The following CDH18 variants were observed in gnomAD, a reference collection of about 807,000 sequenced individuals.
CDH18 encodes cadherin 18.
Under a neutral mutation model 67.9 loss-of-function variants are expected in CDH18, and 31 were observed. The observed-to-expected ratio is 0.46, with a 90% CI of 0.34 to 0.62. CDH18 has a LOEUF of 0.62. Among genes scored for constraint, CDH18 ranks in the 20% least tolerant of loss-of-function variants. The pLI, the probability that CDH18 is intolerant of heterozygous loss-of-function variation, is 0.01. For missense variants in CDH18, 890 were observed against 975.5 expected (o/e 0.91, Z 1.17); for synonymous variants, 362 against 347.2 (o/e 1.04, Z -0.48).
At chr5:20,329,864 A>G (rs1179163949) in intron 1 of CDH18, among the ~76,000 whole-genome samples, 1 of 151,890 alleles carries the variant, frequency 6.6e-6, no homozygotes, top group East Asian at 1.9e-4. Flanking sequence ...GATATTTCAG[A>G]AAGATACATG....
At chr5:19,992,167 G>A (rs1413018632), upstream of CDH18, among the ~76,000 whole-genome samples, 1 of 151,906 alleles carries the variant, frequency 6.6e-6, no homozygotes, top group Non-Finnish European at 1.5e-5. Context: ...ATAATAATTA[G>A]ATCCATGTGT....
chr5:19,814,574 G>C (rs1053242129), intron 3 of CDH18, among the ~76,000 whole-genome samples: 1 of 151,896 alleles, frequency 6.6e-6, no homozygotes, highest in Admixed American at 6.6e-5. Context: ...TCCCAGGAGG[G>C]CGTTAAAACT....
At chr5:20,034,162 A>C (rs1739637087) in intron 2 of CDH18, among the ~76,000 whole-genome samples, 1 of 151,966 alleles carries the variant, frequency 6.6e-6, no homozygotes, top group African/African-American at 2.4e-5. Flanking sequence ...TGAGAAATTG[A>C]TGAAATTTTG....
At chr5:20,333,443 G>T (rs1373372327) in intron 1 of CDH18, among the ~76,000 whole-genome samples, 5 of 149,380 alleles carry the variant, frequency 3.3e-5, no homozygotes, top group Non-Finnish European at 7.4e-5. Context: ...AGAGGCGGAG[G>T]TTGCAGTGAG....
At chr5:19,803,276 C>T (rs183850313) in intron 3 of CDH18, among the ~76,000 whole-genome samples, 2 of 152,152 alleles carry the variant, frequency 1.3e-5, no homozygotes, top group African/African-American at 2.4e-5. Flanking sequence ...ATGTCTCACA[C>T]GCATATGAGT....
At chr5:19,811,720 A>T (rs549683369) in intron 3 of CDH18, among the ~76,000 whole-genome samples, 54 of 152,310 alleles carry the variant, frequency 3.5e-4, no homozygotes, top group African/African-American at 1.1e-3. Flanking sequence ...AAAGAAAGAC[A>T]ATTTAAATGA....
At chr5:19,810,239 G>A (rs1353325795) in intron 3 of CDH18, among the ~76,000 whole-genome samples, 1 of 152,114 alleles carries the variant, frequency 6.6e-6, no homozygotes, top group Non-Finnish European at 1.5e-5. Context: ...ACTGAGGCAT[G>A]AGAATCACTT....
chr5:19,571,629 G>T lies in CDH18; in HGVS notation c.1203C>A (p.Val401=). 4 of 1,613,850 alleles carry T rather than the reference G, an allele frequency of 2.5e-6. No homozygotes were observed. Among genetic ancestry groups the T allele is most frequent in the Non-Finnish European group, 3.4e-6 (4 of 1,179,856 alleles). The change falls in exon 8 of 13, where the codon GTC becomes GTA. Residue 401 remains valine, a synonymous_variant. Coordinates refer to ENST00000382275, the MANE Select transcript of CDH18 (RefSeq NM_004934.5). ...EVYENAKIGT[V]VGTVLAQDPD... ...GATCTTGTGCCAAAACTGTACCAAC[G>T]ACGGTCCCAATCTTGGCATTTTCGT... is the stretch of plus-strand genomic sequence containing the variant.
intron 1 of CDH18, among the ~76,000 whole-genome samples, chr5:20,476,286 G>A (rs915101073): frequency 1.0e-4 from 15 of 150,524 alleles, no homozygotes; most frequent in African/African-American, 2.9e-4. Flanking sequence ...TTTCACTGAA[G>A]TTATTCATTT....
At chr5:20,513,759 T>C (rs753662557) in intron 1 of CDH18, among the ~76,000 whole-genome samples, 11 of 134,580 alleles carry the variant, frequency 8.2e-5, no homozygotes, top group Non-Finnish European at 1.6e-4. Context: ...TTTTTCCCCT[T>C]TATATATTTA....
intron 1 of CDH18, among the ~76,000 whole-genome samples, chr5:20,372,944 A>G (rs894960904): frequency 6.6e-6 from 1 of 152,100 alleles, no homozygotes; most frequent in Non-Finnish European, 1.5e-5. Context: ...CATCTTAAGG[A>G]TGTTTTCTCA....
Position 20,425,202 on chromosome 5 carries a change from C to T in CDH18, c.-580+150260G>A, listed in dbSNP as rs541128889. ...CCAACATGGTGAAAGTGTGTCTCTA[C>T]TAAAGATACAAAAAATTAGCTGGGT... On this transcript the variant is annotated intron_variant, in intron 1 of 14. Coordinates refer to the CDH18 transcript ENST00000507958. Among the ~76,000 whole-genome samples, 3 of 150,722 alleles carry T rather than the reference C, an allele frequency of 2.0e-5. No homozygotes were observed. In the South Asian group the frequency reaches 6.2e-4, roughly 31 times the overall value.
intron 3 of CDH18, among the ~76,000 whole-genome samples, chr5:19,806,619 G>C (rs1459006526): frequency 6.6e-6 from 1 of 152,140 alleles, no homozygotes; most frequent in Non-Finnish European, 1.5e-5. Flanking sequence ...TTACAAGTAT[G>C]TCTCAGGGGA....
intron 1 of CDH18, among the ~76,000 whole-genome samples, chr5:20,526,309 G>T (rs2126537853): frequency 6.6e-6 from 1 of 152,190 alleles, no homozygotes; most frequent in Non-Finnish European, 1.5e-5. Context: ...ATGGTCTCAG[G>T]TTCAGGGGAC....
At chr5:20,488,743 G>T (rs1035545798) in intron 1 of CDH18, among the ~76,000 whole-genome samples, 1 of 148,532 alleles carries the variant, frequency 6.7e-6, no homozygotes, top group Non-Finnish European at 1.5e-5. Flanking sequence ...CCTTGAAGGA[G>T]GAATAATAAA....
intron 1 of CDH18, among the ~76,000 whole-genome samples, chr5:20,347,632 C>T (rs1431051259): frequency 6.6e-6 from 1 of 152,188 alleles, no homozygotes; most frequent in Non-Finnish European, 1.5e-5. Context: ...GGGGCAGGCA[C>T]AATTCATCAA....
intron 2 of CDH18, among the ~76,000 whole-genome samples, chr5:20,047,644 T>C (rs988641514): frequency 1.1e-4 from 17 of 151,808 alleles, no homozygotes; most frequent in Admixed American, 1.3e-4. Flanking sequence ...GTGCAATCTC[T>C]TCAAACTGAT....
chr5:20,575,031 G>A (rs766624159), intron 1 of CDH18, among the ~76,000 whole-genome samples: 5 of 151,254 alleles, frequency 3.3e-5, no homozygotes, highest in Admixed American at 6.6e-5. Context: ...TAGCATCTAC[G>A]TCTGCATAAA....
chr5:19,648,640 C>T (rs1755134726), intron 5 of CDH18, among the ~76,000 whole-genome samples: 1 of 151,940 alleles, frequency 6.6e-6, no homozygotes. Context: ...CTTTTTTGTA[C>T]ATGAAATCTC....
Sources: gnomAD v4.1 joint callset for allele counts (sites outside exome capture counted in the v4.1 genomes callset) on GRCh38, gnomAD v4.1.1 for gene constraint, MANE v1.5 for transcripts, NCBI Gene and HGNC (gene_info 2026-07-23, HGNC 2026-07-21) for gene names.